Variants in CNBD1 observed in about 807,000 individuals in gnomAD.
The protein encoded by CNBD1 is cyclic nucleotide-binding domain-containing protein 1.
A neutral mutation model predicts 54.4 loss-of-function variants in CNBD1; 71 were observed. The observed-to-expected ratio is 1.30, with a 90% CI of 1.08 to 1.59. CNBD1 has a LOEUF of 1.59. Ranked by LOEUF, CNBD1 falls within the 40% of genes most tolerant of loss-of-function variation. The pLI is 0.00. For synonymous variants in CNBD1, 182 were observed against 170.7 expected (o/e 1.07, Z -0.51); for missense variants, 659 against 518.0 (o/e 1.27, Z -2.64).
At chr8:87,349,739 G>C (rs1433618693) in intron 8 of CNBD1, among the ~76,000 whole-genome samples, 2 of 152,176 alleles carry the variant, frequency 1.3e-5, no homozygotes, top group Non-Finnish European at 2.9e-5. Context: ...GGGTTTTGCT[G>C]TATTGTCTTC....
intron 4 of CNBD1, among the ~76,000 whole-genome samples, chr8:86,987,151 T>C (rs1808627608): frequency 6.6e-6 from 1 of 152,192 alleles, no homozygotes; most frequent in African/African-American, 2.4e-5. Flanking sequence ...GAACATGGAA[T>C]GTTTTTCCAT....
intron 4 of CNBD1, among the ~76,000 whole-genome samples, chr8:87,046,295 G>T (rs970140568): frequency 8.5e-5 from 13 of 152,196 alleles, no homozygotes; most frequent in Non-Finnish European, 1.5e-4. Flanking sequence ...CCCATTCCTG[G>T]TTTTTCCAGT....
chr8:87,426,180 C>T lies in CNBD1; in HGVS notation c.214-2366C>T, dbSNP rs531199234. 3.3e-3 allele frequency among the ~76,000 whole-genome samples: 505 copies of T among 152,332 alleles called. 5 individuals are homozygous for T. Among genetic ancestry groups the T allele is most frequent in the Non-Finnish European group, 4.6e-3 (315 of 68,036 alleles). On this transcript the variant is annotated intron_variant, in intron 2 of 7. Transcript: ENST00000521593. ...CAATGCCTCGCCCTGCTTCAGCTGG[C>T]GCACGGTGCGCGCACCCACTGACCT...
intron 10 of CNBD1, among the ~76,000 whole-genome samples, chr8:87,375,721 T>A (rs4607639): frequency 0.019 from 2,873 of 152,016 alleles, 92 homozygotes; most frequent in African/African-American, 0.063. Flanking sequence ...AAATGTCTGC[T>A]TAAATGAAAT....
chr8:87,329,189 C>A (rs561391677), intron 8 of CNBD1, among the ~76,000 whole-genome samples: 1 of 152,108 alleles, frequency 6.6e-6, no homozygotes, highest in African/African-American at 2.4e-5. Flanking sequence ...ACCTACTGTA[C>A]TGCCTTTGTT....
chr8:87,339,595 A>G (rs1316059967), intron 8 of CNBD1, among the ~76,000 whole-genome samples: 6 of 152,038 alleles, frequency 3.9e-5, no homozygotes, highest in Admixed American at 3.9e-4. Flanking sequence ...TATATACTGG[A>G]TCAGGAACCA....
chr8:87,393,155 T>G (rs116596070), intron 2 of CNBD1, among the ~76,000 whole-genome samples: 121 of 151,966 alleles, frequency 8.0e-4, no homozygotes, highest in African/African-American at 2.8e-3. Flanking sequence ...TTTTTAGGCA[T>G]GTTAGTTCTG....
At chr8:87,213,936 A>C (rs1814154209) in intron 5 of CNBD1, among the ~76,000 whole-genome samples, 1 of 152,220 alleles carries the variant, frequency 6.6e-6, no homozygotes, top group Non-Finnish European at 1.5e-5. Flanking sequence ...CAAATGGGAG[A>C]AATTGGCCAA....
chr8:87,008,176 T>A (rs1809142014), intron 4 of CNBD1, among the ~76,000 whole-genome samples: 1 of 152,226 alleles, frequency 6.6e-6, no homozygotes, highest in South Asian at 2.1e-4. Flanking sequence ...CCAGTGCCAA[T>A]TCAGGGCTAA....
At chr8:87,035,814 A>G (rs899470312) in intron 4 of CNBD1, among the ~76,000 whole-genome samples, 1 of 152,144 alleles carries the variant, frequency 6.6e-6, no homozygotes, top group Non-Finnish European at 1.5e-5. Flanking sequence ...GGATGTTTCT[A>G]TCTTGTGGCT....
chr8:87,337,175 C>T (rs10101149), intron 8 of CNBD1, among the ~76,000 whole-genome samples: 42,569 of 151,694 alleles, frequency 0.28, 6,645 homozygotes, highest in Middle Eastern at 0.41. Flanking sequence ...TCTTACCCAG[C>T]TTGGTGGGAT....
At chr8:86,962,241 G>A (rs752427400) in intron 4 of CNBD1, among the ~76,000 whole-genome samples, 2 of 152,144 alleles carry the variant, frequency 1.3e-5, no homozygotes, top group Non-Finnish European at 2.9e-5. Flanking sequence ...TCAGTCGACT[G>A]ATAAAACCTT....
At chr8:86,973,966 A>G (rs1405530445) in intron 4 of CNBD1, among the ~76,000 whole-genome samples, 2 of 152,206 alleles carry the variant, frequency 1.3e-5, no homozygotes, top group African/African-American at 4.8e-5. Flanking sequence ...TGACTATTGT[A>G]CAAATAAAAA....
chr8:87,373,160 C>T (rs1416939410), intron 10 of CNBD1, among the ~76,000 whole-genome samples: 12 of 151,648 alleles, frequency 7.9e-5, no homozygotes, highest in African/African-American at 2.2e-4. Context: ...ATTATTGGCT[C>T]TTATTTTTCT....
intron 5 of CNBD1, among the ~76,000 whole-genome samples, chr8:87,232,055 T>G (rs1015689082): frequency 1.3e-5 from 2 of 152,172 alleles, no homozygotes; most frequent in Non-Finnish European, 2.9e-5. Flanking sequence ...AAAACTTTAT[T>G]CCAATCAACA....
At chr8:87,102,174 A>T (rs559792873) in intron 4 of CNBD1, among the ~76,000 whole-genome samples, 1 of 152,240 alleles carries the variant, frequency 6.6e-6, no homozygotes, top group South Asian at 2.1e-4. Flanking sequence ...GGTGTGAACC[A>T]CTTCGTCCGG....
At chr8:87,240,481 C>T (rs1032974164) in intron 6 of CNBD1, among the ~76,000 whole-genome samples, 1 of 152,102 alleles carries the variant, frequency 6.6e-6, no homozygotes, top group Non-Finnish European at 1.5e-5. Context: ...CAATCAGATC[C>T]TAGGTATTAA....
At chr8:87,358,604 AG>A (rs1241632885) in intron 10 of CNBD1, among the ~76,000 whole-genome samples, 2 of 152,182 alleles carry the variant, frequency 1.3e-5, no homozygotes. Context: ...TAAATATACA[AG>A]AGGCGATCTA....
intron 8 of CNBD1, among the ~76,000 whole-genome samples, chr8:87,293,637 T>A (rs2130876599): frequency 6.6e-6 from 1 of 152,326 alleles, no homozygotes; most frequent in African/African-American, 2.4e-5. Context: ...ATCTCAAAGA[T>A]TTAATAATTA....
Sources: allele counts gnomAD v4.1 joint callset (sites outside exome capture counted in the v4.1 genomes callset), GRCh38; gene constraint gnomAD v4.1.1; transcripts MANE v1.5; gene names NCBI Gene and HGNC (gene_info 2026-07-23, HGNC 2026-07-21).